CD1B: variants seen among roughly 807,000 people sequenced by gnomAD.
CD1B encodes the protein CD1b molecule.
CD1B carries 43 observed loss-of-function variants against 39.8 expected under a neutral mutation model. That is an observed-to-expected ratio of 1.08 (90% CI 0.85 to 1.39). CD1B has a LOEUF of 1.39. Among genes scored for constraint, CD1B ranks in the 40% most tolerant of loss-of-function variants. The pLI, the probability that CD1B is intolerant of heterozygous loss-of-function variation, is 0.00. For synonymous variants in CD1B, 192 were observed against 152.5 expected (o/e 1.26, Z -1.91); for missense variants, 495 against 403.8 (o/e 1.23, Z -1.94).
the CD1B span, chr1:158,292,646 C>G: frequency 6.2e-7 from 1 of 1,613,448 alleles, no homozygotes; most frequent in African/African-American, 1.3e-5. Flanking sequence ...GTCTGGCCAG[C>G]TGTTGCTGGT....
the CD1B span, among the ~76,000 whole-genome samples, chr1:158,287,563 G>A: frequency 6.6e-6 from 1 of 152,008 alleles, no homozygotes; most frequent in East Asian, 1.9e-4. Flanking sequence ...TCCATTTAGG[G>A]TCCAGTATGA....
At chr1:158,317,837 C>T in the CD1B span, among the ~76,000 whole-genome samples, 207 of 152,214 alleles carry the variant, frequency 1.4e-3, 1 homozygote, top group East Asian at 6.9e-3. Context: ...GCTTTGAATG[C>T]GTCCCAGAGA....
At chr1:158,319,615 C>A in the CD1B span, among the ~76,000 whole-genome samples, 2 of 152,314 alleles carry the variant, frequency 1.3e-5, no homozygotes, top group South Asian at 4.1e-4. Context: ...TGAATGTCCT[C>A]CTGTAGCTCA....
chr1:158,325,724 TA>T (rs1652327158), downstream of CD1B, among the ~76,000 whole-genome samples: 1 of 152,112 alleles, frequency 6.6e-6, no homozygotes, highest in Non-Finnish European at 1.5e-5. Flanking sequence ...AATCTTTTTT[TA>T]TTGTGGTAAA....
At position 158,328,505 on chromosome 1, in the gene CD1B, A is replaced by AC. The variant is rs11399319; in HGVS notation, c.981-249_981-248insG. Among the ~76,000 whole-genome samples, 1,518 of 152,310 alleles carry AC rather than the reference A, an allele frequency of 1.0e-2. 23 individuals carry two copies. The highest frequency in any genetic ancestry group is 0.032 in the African/African-American group (1,348 of 41,558). Reference sequence around the variant, plus strand: ...TGAAATAAGTCACAAAAAGACAAATATTTACAATTCCACTTATATAAGGTA... The same window carrying AC: ...TGAAATAAGTCACAAAAAGACAAATACTTTACAATTCCACTTATATAAGGTA... On this transcript the variant is annotated intron_variant, in intron 5 of 5. Transcript: ENST00000368168.
chr1:158,315,878 C>T, the CD1B span, among the ~76,000 whole-genome samples: 4 of 152,048 alleles, frequency 2.6e-5, no homozygotes, highest in Admixed American at 2.6e-4. Context: ...CTACATATGG[C>T]TAGCCAATTA....
At chr1:158,291,487 A>T in the CD1B span, 1 of 1,330,882 alleles carries the variant, frequency 7.5e-7, no homozygotes, top group Middle Eastern at 2.6e-4. Flanking sequence ...GCCATTTCCC[A>T]TTATCCCATC....
the CD1B span, chr1:158,292,441 A>G: frequency 6.6e-7 from 1 of 1,519,500 alleles, no homozygotes. Context: ...CTTCAAACTC[A>G]GGACAAGAAA....
the CD1B span, among the ~76,000 whole-genome samples, chr1:158,313,393 C>T: frequency 6.6e-6 from 1 of 152,194 alleles, no homozygotes; most frequent in East Asian, 1.9e-4. Flanking sequence ...TCACCACAGC[C>T]TCAACCTCCT....
At chr1:158,305,923 C>G in the CD1B span, among the ~76,000 whole-genome samples, 3 of 152,024 alleles carry the variant, frequency 2.0e-5, no homozygotes, top group Non-Finnish European at 4.4e-5. Flanking sequence ...CAAGAGCTCC[C>G]GAAGGAAGCA....
the CD1B span, among the ~76,000 whole-genome samples, chr1:158,293,926 T>C: frequency 6.6e-6 from 1 of 152,228 alleles, no homozygotes; most frequent in African/African-American, 2.4e-5. Context: ...ATGTTGACAA[T>C]TTTTCTCATT....
At chr1:158,308,440 C>G in the CD1B span, among the ~76,000 whole-genome samples, 1 of 152,226 alleles carries the variant, frequency 6.6e-6, no homozygotes, top group East Asian at 1.9e-4. Flanking sequence ...CCATCTCCAT[C>G]AAGTTACCAA....
In CD1B at chr1:158,328,316, C is replaced by G. The variant is rs962801277; in HGVS notation, c.981-59G>C. ...TAAAAGATGTTTGTACACCCATGCTCATAGTAATATTATTCATGATAGTTA... is the reference window on the plus strand; with the variant it reads ...TAAAAGATGTTTGTACACCCATGCTGATAGTAATATTATTCATGATAGTTA... On this transcript the variant is annotated intron_variant, in intron 5 of 5. Transcript: ENST00000368168. 2.2e-6 allele frequency: 3 copies of G among 1,356,150 alleles called. No homozygotes were observed. The Admixed American group carries it at 5.3e-5, about 24-fold the overall frequency. 84.0% of individuals were successfully genotyped at this position (1,356,150 alleles called of 1,614,324 possible). A position where few individuals can be genotyped will look rare whatever the true frequency, so the allele number is the denominator to read the frequency against.
the CD1B span, among the ~76,000 whole-genome samples, chr1:158,295,230 T>C: frequency 6.6e-6 from 1 of 151,106 alleles, no homozygotes; most frequent in Non-Finnish European, 1.5e-5. Flanking sequence ...GAGAAGATCA[T>C]TGGAAAGAAG....
chr1:158,291,530 A>G, the CD1B span: 4 of 916,314 alleles, frequency 4.4e-6, no homozygotes, highest in Admixed American at 2.4e-5. Context: ...TGAACCTTTT[A>G]AGGGATATTC....
At chr1:158,320,746 C>G in the CD1B span, among the ~76,000 whole-genome samples, 2 of 151,832 alleles carry the variant, frequency 1.3e-5, no homozygotes, top group African/African-American at 2.4e-5. Flanking sequence ...TTGAAATTTT[C>G]TTTTTGATTT....
In CD1B at chr1:158,331,491, C is replaced by A. The variant is rs984646799; in HGVS notation, c.-68G>T. 6.2e-5 allele frequency: 79 copies of A among 1,267,324 alleles called. No homozygotes were observed. The highest frequency in any genetic ancestry group is 8.9e-5 in the Non-Finnish European group (78 of 873,394). 78.5% of individuals were successfully genotyped at this position (1,267,324 alleles called of 1,614,324 possible). On this transcript the variant is annotated 5_prime_UTR_variant, in exon 1 of 6. Transcript: ENST00000368168. Reference sequence around the variant, plus strand: ...GATCTCCAATTTCAGCAAAGCTTTTCCTCAGTACCCTGTAGTGACTTCTTC... The same window carrying A: ...GATCTCCAATTTCAGCAAAGCTTTTACTCAGTACCCTGTAGTGACTTCTTC...
the CD1B span, among the ~76,000 whole-genome samples, chr1:158,298,347 C>A: frequency 6.6e-6 from 1 of 152,278 alleles, no homozygotes; most frequent in East Asian, 1.9e-4. Context: ...CAAGAGAGAA[C>A]ACTGATAAAG....
the CD1B span, chr1:158,290,125 G>T: frequency 6.2e-7 from 1 of 1,612,532 alleles, no homozygotes; most frequent in Middle Eastern, 1.6e-4. Flanking sequence ...CAATGCAGAC[G>T]GTAAGAACAT....
Sources: allele counts gnomAD v4.1 joint callset (sites outside exome capture counted in the v4.1 genomes callset), GRCh38; gene constraint gnomAD v4.1.1; transcripts MANE v1.5; gene names NCBI Gene and HGNC (gene_info 2026-07-23, HGNC 2026-07-21).